The following LRP11 variants were observed in gnomAD, a reference collection of about 807,000 sequenced individuals.
LRP11 encodes the protein low-density lipoprotein receptor-related protein 11.
A neutral mutation model predicts 43.1 loss-of-function variants in LRP11; 25 were observed. That is an observed-to-expected ratio of 0.58 (90% CI 0.42 to 0.81). The LOEUF is 0.81. Among genes scored for constraint, LRP11 ranks in the 30% least tolerant of loss-of-function variants. The probability of loss-of-function intolerance (pLI) is 0.00; values close to 1 mark genes in which losing one functional copy is unlikely to be tolerated. For synonymous variants in LRP11, 316 were observed against 299.4 expected (o/e 1.06, Z -0.57); for missense variants, 623 against 665.1 (o/e 0.94, Z 0.70).
At position 149,864,324 on chromosome 6, in the gene LRP11, C is replaced by T. The variant is rs546770855; in HGVS notation, c.-304G>A. On this transcript the variant is annotated 5_prime_UTR_variant, in exon 1 of 7. Coordinates refer to ENST00000239367, the MANE Select transcript of LRP11 (RefSeq NM_032832.6). ...GCGCGCTGGGTGGCGACGAGTCGGC[C>T]TCGGCGTTGATCAGCACCAGGTGTG... 2,765 of 1,021,580 alleles carry T rather than the reference C, an allele frequency of 2.7e-3. 4 individuals are homozygous for T. Among genetic ancestry groups the T allele is most frequent in the Non-Finnish European group, 3.1e-3 (2,643 of 854,248 alleles). The allele number at this position is 1,021,580 out of a possible 1,614,324, so 63.3% of individuals were successfully genotyped here. A position where few individuals can be genotyped will look rare whatever the true frequency, so the allele number is the denominator to read the frequency against.
chr6:149,843,891 G>A (rs1005288660), intron 2 of LRP11, among the ~76,000 whole-genome samples: 4 of 152,096 alleles, frequency 2.6e-5, no homozygotes, highest in Admixed American at 1.3e-4. Context: ...CTGAAACAGT[G>A]CTGGCAAAAC....
chr6:149,852,154 G>C (rs1384929643), intron 2 of LRP11, among the ~76,000 whole-genome samples: 1 of 152,188 alleles, frequency 6.6e-6, no homozygotes, highest in African/African-American at 2.4e-5. Flanking sequence ...GGACGAGGGT[G>C]AGTCCAATTC....
chr6:149,835,213 A>G (rs1326391098), intron 5 of LRP11, among the ~76,000 whole-genome samples: 1 of 152,212 alleles, frequency 6.6e-6, no homozygotes, highest in Non-Finnish European at 1.5e-5. Context: ...TCTTGGCCTC[A>G]AGCAATTCTT....
intron 5 of LRP11, 22 bp from the exon 6 acceptor site, chr6:149,826,381 TATATTG>T: frequency 1.3e-6 from 2 of 1,558,370 alleles, no homozygotes; most frequent in East Asian, 4.5e-5. Context: ...AAAGAGAACA[TATATTG>T]AAGGTGTATG....
chr6:149,837,544 G>A lies in LRP11; in HGVS notation c.914-81C>T, dbSNP rs1776490286. ...GGGGATGACAAAGGGGAGTCCGTGG[G>A]GATGATAAAATGCACTTCGGGGAAG... On this transcript the variant is annotated intron_variant, in intron 3 of 6. Coordinates refer to ENST00000239367, the MANE Select transcript of LRP11 (RefSeq NM_032832.6). The A allele has an allele frequency of 2.1e-6, 3 of 1,444,710 alleles. No individual in the cohort carries two copies. The South Asian group carries it at 3.8e-5, about 18-fold the overall frequency. 89.5% of individuals were successfully genotyped at this position (1,444,710 alleles called of 1,614,324 possible). A position where few individuals can be genotyped will look rare whatever the true frequency, so the allele number is the denominator to read the frequency against.
rs950014888 is a variant in LRP11, at chr6:149,863,993, C to A, written c.28G>T (p.Gly10Cys). 3 of 1,393,842 alleles carry A rather than the reference C, an allele frequency of 2.2e-6. No individual in the cohort carries two copies. The highest frequency in any genetic ancestry group is 3.0e-5 in the African/African-American group (2 of 65,796). 86.3% of individuals were successfully genotyped at this position (1,393,842 alleles called of 1,614,324 possible). A position where few individuals can be genotyped will look rare whatever the true frequency, so the allele number is the denominator to read the frequency against. The change falls in exon 1 of 7, where the codon GGC (glycine) becomes TGC (cysteine). Residue 10 changes from glycine (G) to cysteine (C), a missense_variant. By Grantham distance (159) the Gly-to-Cys change is radical. Transcript: ENST00000239367. Reference sequence around the variant, plus strand: ...CGCGGCGGTAGCCGGCGCTGCGAGCCCGCGCTCTCCTGGGCGACGGAGGCC... The same window carrying A: ...CGCGGCGGTAGCCGGCGCTGCGAGCACGCGCTCTCCTGGGCGACGGAGGCC... MASVAQESA[G>C]SQRRLPPRHG...
intron 3 of LRP11, chr6:149,842,608 G>A (rs1382796863): frequency 3.9e-6 from 6 of 1,547,166 alleles, no homozygotes; most frequent in South Asian, 2.4e-5. Flanking sequence ...CTGCTTCCAC[G>A]AGTTCAACTG....
intron 1 of LRP11, among the ~76,000 whole-genome samples, chr6:149,858,815 C>T (rs1776841509): frequency 6.6e-6 from 1 of 152,146 alleles, no homozygotes; most frequent in African/African-American, 2.4e-5. Flanking sequence ...ACTTTTTCAC[C>T]ATTATAAATA....
chr6:149,856,465 A>C (rs1282180773), intron 1 of LRP11, among the ~76,000 whole-genome samples: 4 of 152,204 alleles, frequency 2.6e-5, no homozygotes, highest in Non-Finnish European at 5.9e-5. Context: ...AATAACCCAG[A>C]GCTTATCTAC....
rs767350787 is a variant in LRP11 at position 149,843,114 on chromosome 6, G to A, written c.782C>T (p.Ser261Leu). 1 of 1,614,170 alleles carries A rather than the reference G, an allele frequency of 6.2e-7. No individual in the cohort carries two copies. The highest frequency in any genetic ancestry group is 1.1e-5 in the South Asian group (1 of 91,084). Residue 261 changes from serine (S) to leucine (L), a missense_variant, in exon 3 of 7, where the codon TCA becomes TTA. Coordinates refer to ENST00000239367, the MANE Select transcript of LRP11 (RefSeq NM_032832.6). ...TAGGTGGGACAGCTTCAGGGTTCCT[G>A]ATTGAGGCACCTGCCACACAGATGG... ...DPSVDMKVPQ[S>L]GTLKLSHLQE...
chr6:149,842,793 T>C (rs948266999), intron 3 of LRP11, 190 bp downstream of exon 3: 50 of 1,221,386 alleles, frequency 4.1e-5, no homozygotes, highest in Admixed American at 4.2e-5. Flanking sequence ...CCCAACCCAG[T>C]AGCATCGGCT....
At position 149,864,242 on chromosome 6, in the gene LRP11, C is replaced by T. The variant is rs950197200; in HGVS notation, c.-222G>A. ...ACATAGCCGGCCCAGCCGGGCACCG[C>T]TCCTTGCCCTCGCCGGAGACTGCCC... On this transcript the variant is annotated 5_prime_UTR_variant, in exon 1 of 7. Transcript: ENST00000239367. The T allele has an allele frequency of 2.8e-6, 3 of 1,089,782 alleles. No individual in the cohort carries two copies. Among genetic ancestry groups the T allele is most frequent in the African/African-American group, 1.7e-5 (1 of 59,854 alleles). 67.5% of individuals were successfully genotyped at this position (1,089,782 alleles called of 1,614,324 possible).
rs373208855 is a variant in LRP11, at chr6:149,853,033, C to A, written c.741G>T (p.Leu247=). Residue 247 remains leucine, a synonymous_variant, in exon 2 of 7, where the codon CTG becomes CTT. Coordinates refer to ENST00000239367, the MANE Select transcript of LRP11 (RefSeq NM_032832.6). The part of the protein sequence containing the change: ...DHAIVQYEWA[L]LQGDPSVDMK... Reference sequence around the variant, plus strand: ...TGTCCACTGACGGGTCCCCCTGCAGCAGTGCCCACTCATACTGGACGATGG... The same window carrying A: ...TGTCCACTGACGGGTCCCCCTGCAGAAGTGCCCACTCATACTGGACGATGG... 1.3e-4 allele frequency: 207 copies of A among 1,607,982 alleles called. No homozygotes were observed. The highest frequency in any genetic ancestry group is 1.7e-4 in the Non-Finnish European group (202 of 1,177,426).
chr6:149,860,824 TA>T (rs1562448558), intron 1 of LRP11, among the ~76,000 whole-genome samples: 7 of 152,154 alleles, frequency 4.6e-5, no homozygotes. Context: ...GGAGAAAGCA[TA>T]GGAGTTCAGG....
intron 4 of LRP11, among the ~76,000 whole-genome samples, chr6:149,836,845 T>G (rs1335249122): frequency 7.1e-6 from 1 of 141,472 alleles, no homozygotes; most frequent in East Asian, 2.3e-4. Context: ...AAAAAAGAAA[T>G]GGACAAAGAC....
At chr6:149,829,239 G>A (rs575278352) in intron 5 of LRP11, among the ~76,000 whole-genome samples, 14 of 152,230 alleles carry the variant, frequency 9.2e-5, no homozygotes, top group African/African-American at 2.6e-4. Context: ...ATCACATGGT[G>A]GGAAACTCAA....
At chr6:149,862,791 G>C (rs1214617014) in intron 1 of LRP11, among the ~76,000 whole-genome samples, 9 of 151,946 alleles carry the variant, frequency 5.9e-5, no homozygotes, top group African/African-American at 2.2e-4. Context: ...CATTGGTCAG[G>C]CAGGTCTCAA....
At chr6:149,838,200 T>C (rs992564268) in intron 3 of LRP11, among the ~76,000 whole-genome samples, 1 of 151,494 alleles carries the variant, frequency 6.6e-6, no homozygotes, top group Admixed American at 6.6e-5. Flanking sequence ...ATTACAGGTG[T>C]TAGCCACCGT....
intron 1 of LRP11, among the ~76,000 whole-genome samples, chr6:149,860,766 C>T (rs1030216681): frequency 2.0e-5 from 3 of 152,202 alleles, no homozygotes; most frequent in Non-Finnish European, 4.4e-5. Flanking sequence ...CCTCTACCCT[C>T]GCAGTCCCAG....
Sources: allele counts gnomAD v4.1 joint callset (sites outside exome capture counted in the v4.1 genomes callset), GRCh38; gene constraint gnomAD v4.1.1; transcripts MANE v1.5; gene names NCBI Gene and HGNC (gene_info 2026-07-23, HGNC 2026-07-21).